CAMK1D: variants seen among roughly 807,000 people sequenced by gnomAD.
The protein encoded by CAMK1D is calcium/calmodulin-dependent protein kinase type 1D.
Under a neutral mutation model 47.7 loss-of-function variants are expected in CAMK1D, and 9 were observed. That is an observed-to-expected ratio of 0.19 (90% confidence interval 0.11 to 0.33). The LOEUF is 0.33. CAMK1D is among the 10% of genes least tolerant of loss of function. The probability of loss-of-function intolerance (pLI) is 1.00; values close to 1 mark genes in which losing one functional copy is unlikely to be tolerated. For missense variants in CAMK1D, 291 were observed against 488.7 expected (o/e 0.60, Z 3.81); for synonymous variants, 184 against 184.9 (o/e 0.99, Z 0.04).
chr10:12,619,809 C>T (rs1268257231), intron 2 of CAMK1D, among the ~76,000 whole-genome samples: 1 of 152,082 alleles, frequency 6.6e-6, no homozygotes, highest in Admixed American at 6.6e-5. Context: ...TGGAATTCCT[C>T]ATGGTGCTCT....
chr10:12,827,906 T>C (rs1336267209), intron 10 of CAMK1D, among the ~76,000 whole-genome samples: 3 of 152,096 alleles, frequency 2.0e-5, no homozygotes, highest in Middle Eastern at 3.2e-3. Context: ...CTGGAACTCC[T>C]GAGACTCAAG....
At chr10:12,485,564 T>A (rs952192911) in intron 1 of CAMK1D, among the ~76,000 whole-genome samples, 2 of 152,100 alleles carry the variant, frequency 1.3e-5, no homozygotes, top group African/African-American at 4.8e-5. Context: ...GCACTGCTCG[T>A]TGGGCCTGTA....
chr10:12,624,473 A>G (rs1455936582), intron 2 of CAMK1D, among the ~76,000 whole-genome samples: 1 of 152,128 alleles, frequency 6.6e-6, no homozygotes, highest in Non-Finnish European at 1.5e-5. Flanking sequence ...TATCTTAGAT[A>G]CCCTGCGTAA....
rs900638497 is a variant in CAMK1D at position 12,828,952 on chromosome 10, G to T, written c.*65G>T. 2 of 1,216,488 alleles carry T rather than the reference G, an allele frequency of 1.6e-6. No individual in the cohort carries two copies. Among genetic ancestry groups the T allele is most frequent in the Non-Finnish European group, 2.3e-6 (2 of 885,298 alleles). The allele number at this position is 1,216,488 out of a possible 1,614,324, so 75.4% of individuals were successfully genotyped here. A position where few individuals can be genotyped will look rare whatever the true frequency, so the allele number is the denominator to read the frequency against. On this transcript the variant is annotated 3_prime_UTR_variant, in exon 11 of 11. Transcript: ENST00000619168. Reference sequence around the variant, plus strand: ...GGGGAGCCCCAGGGTCGCCAGAGCCGCGAGCCACTCCAGCGAGACCCCACC... The same window carrying T: ...GGGGAGCCCCAGGGTCGCCAGAGCCTCGAGCCACTCCAGCGAGACCCCACC...
chr10:12,534,995 G>A (rs1394101774), intron 1 of CAMK1D, among the ~76,000 whole-genome samples: 1 of 152,220 alleles, frequency 6.6e-6, no homozygotes, highest in Non-Finnish European at 1.5e-5. Context: ...CTCTGTGCCT[G>A]GGAAGAGAAG....
intron 2 of CAMK1D, among the ~76,000 whole-genome samples, chr10:12,650,006 C>T (rs1839915633): frequency 1.3e-5 from 2 of 152,348 alleles, no homozygotes; most frequent in Admixed American, 1.3e-4. Flanking sequence ...AAAACACCGC[C>T]TTTAGTTTTT....
intron 1 of CAMK1D, among the ~76,000 whole-genome samples, chr10:12,391,976 AACAC>A (rs10659393): frequency 0.039 from 5,643 of 143,144 alleles, 176 homozygotes; most frequent in Admixed American, 0.11. Flanking sequence ...CTTGTCTTAA[AACAC>A]ACACACACAC....
Position 12,474,195 on chromosome 10 carries a change from C to T in CAMK1D, c.93-79030C>T, listed in dbSNP as rs895072199. ...TAACTGCTACCTCTTCAATGAGGAT[C>T]GTTCTTTTTTTTTTTTTTTTTTTGA... On this transcript the variant is annotated intron_variant, in intron 1 of 10. Coordinates refer to ENST00000619168, the MANE Select transcript of CAMK1D (RefSeq NM_153498.4). Among the ~76,000 whole-genome samples, 5 of 126,920 alleles carry T rather than the reference C, an allele frequency of 3.9e-5. No homozygotes were observed. In the East Asian group the frequency reaches 6.8e-4, roughly 17 times the overall value. 83.3% of individuals were successfully genotyped at this position (126,920 alleles called of 152,430 possible).
chr10:12,587,374 C>T (rs1041299967), intron 2 of CAMK1D, among the ~76,000 whole-genome samples: 2 of 152,022 alleles, frequency 1.3e-5, no homozygotes, highest in Non-Finnish European at 2.9e-5. Context: ...GAGCTAAAAA[C>T]GCATTGACTT....
intron 1 of CAMK1D, among the ~76,000 whole-genome samples, chr10:12,482,732 T>C (rs1357746144): frequency 6.6e-6 from 1 of 152,206 alleles, no homozygotes; most frequent in East Asian, 1.9e-4. Context: ...GCACATGTAA[T>C]TGCATTTAGT....
intron 5 of CAMK1D, among the ~76,000 whole-genome samples, chr10:12,773,148 T>C (rs1354887587): frequency 2.0e-5 from 3 of 152,248 alleles, no homozygotes; most frequent in Non-Finnish European, 4.4e-5. Context: ...ACTGTGAGTC[T>C]CATGAAATCT....
rs1834530363 is a variant in CAMK1D, at chr10:12,724,506, C to G, written c.300-36442C>G. Among the ~76,000 whole-genome samples, 3 of 152,290 alleles carry G rather than the reference C, an allele frequency of 2.0e-5. No homozygotes were observed. In the South Asian group the frequency reaches 6.2e-4, roughly 32 times the overall value. The stretch of plus-strand genomic sequence containing the variant: ...CTTTGGATTTACTACACCCATCACT[C>G]TGCATCTTCTGGTATAAAAAATGGA... On this transcript the variant is annotated intron_variant, in intron 3 of 10. Transcript: ENST00000619168.
At chr10:12,662,021 G>A (rs1840287113) in intron 2 of CAMK1D, among the ~76,000 whole-genome samples, 1 of 152,212 alleles carries the variant, frequency 6.6e-6, no homozygotes, top group Non-Finnish European at 1.5e-5. Context: ...CAGGCTAGAT[G>A]ATAGTACTGC....
At chr10:12,683,328 C>T (rs926153049) in intron 3 of CAMK1D, among the ~76,000 whole-genome samples, 1 of 152,092 alleles carries the variant, frequency 6.6e-6, no homozygotes, top group South Asian at 2.1e-4. Flanking sequence ...TTAGGTGATT[C>T]GCCCTCCTTG....
At chr10:12,536,195 A>G (rs1835964930) in intron 1 of CAMK1D, among the ~76,000 whole-genome samples, 1 of 152,134 alleles carries the variant, frequency 6.6e-6, no homozygotes, top group Non-Finnish European at 1.5e-5. Context: ...GACTGAGCAA[A>G]TGTTAATTAA....
At chr10:12,716,536 A>G (rs1046365543) in intron 3 of CAMK1D, among the ~76,000 whole-genome samples, 3 of 152,086 alleles carry the variant, frequency 2.0e-5, no homozygotes, top group African/African-American at 7.2e-5. Flanking sequence ...ATGAAAATGC[A>G]TTTGGTTCAT....
chr10:12,419,640 G>GCACACACACA (rs111807347), intron 1 of CAMK1D, among the ~76,000 whole-genome samples: 3,868 of 147,134 alleles, frequency 0.026, 67 homozygotes, highest in African/African-American at 0.048. Context: ...AAGAGAAAAT[G>GCACACACACA]CACACACACA....
At chr10:12,819,969 T>G (rs1215637843) in intron 8 of CAMK1D, among the ~76,000 whole-genome samples, 3 of 152,054 alleles carry the variant, frequency 2.0e-5, no homozygotes, top group Non-Finnish European at 4.4e-5. Context: ...TTCCCAAGTT[T>G]CCAACTTACG....
At chr10:12,802,426 T>C (rs183888667) in intron 6 of CAMK1D, among the ~76,000 whole-genome samples, 48 of 152,340 alleles carry the variant, frequency 3.2e-4, no homozygotes, top group African/African-American at 1.2e-3. Context: ...GCCATCATTA[T>C]CCTGGCCATT....
Sources: allele counts gnomAD v4.1 joint callset (sites outside exome capture counted in the v4.1 genomes callset), GRCh38; gene constraint gnomAD v4.1.1; transcripts MANE v1.5; gene names NCBI Gene and HGNC (gene_info 2026-07-23, HGNC 2026-07-21).